TMEM156: variants seen among roughly 807,000 people sequenced by gnomAD.
The protein encoded by TMEM156 is transmembrane protein 156.
A neutral mutation model predicts 30.5 loss-of-function variants in TMEM156; 28 were observed. The ratio of observed to expected loss-of-function variants is 0.92; its 90% confidence interval spans 0.68 to 1.26. The LOEUF is 1.26. Among genes scored for constraint, TMEM156 ranks in the 50% most tolerant of loss-of-function variants. TMEM156 has a pLI of 0.00. For synonymous variants in TMEM156, 137 were observed against 119.9 expected (o/e 1.14, Z -0.93); for missense variants, 351 against 340.6 (o/e 1.03, Z -0.24).
intron 2 of TMEM156, among the ~76,000 whole-genome samples, chr4:38,996,313 C>T (rs574503953): frequency 6.6e-5 from 10 of 150,428 alleles, no homozygotes; most frequent in Non-Finnish European, 8.9e-5. Flanking sequence ...AATCCCAATA[C>T]TTCCGGAGGC....
chr4:38,998,989 C>T (rs1482038388), intron 1 of TMEM156, 80 bp from the exon 2 acceptor site: 1 of 1,313,502 alleles, frequency 7.6e-7, no homozygotes, highest in Admixed American at 2.5e-5. Context: ...CAGTATGCTC[C>T]CAGTTTTTCT....
intron 1 of TMEM156, 72 bp from the exon 2 acceptor site, chr4:38,998,981 G>T: frequency 1.5e-6 from 2 of 1,366,772 alleles, no homozygotes; most frequent in South Asian, 1.5e-5. Flanking sequence ...TAAATACACA[G>T]TATGCTCCCA....
chr4:39,025,942 G>C (rs1298371237), intron 1 of TMEM156, among the ~76,000 whole-genome samples: 1 of 152,100 alleles, frequency 6.6e-6, no homozygotes, highest in Admixed American at 6.6e-5. Flanking sequence ...CTCCTTCAAG[G>C]TTTTCTTTTG....
intron 1 of TMEM156, among the ~76,000 whole-genome samples, chr4:39,002,794 A>C (rs1338738671): frequency 6.6e-6 from 1 of 151,404 alleles, no homozygotes; most frequent in Non-Finnish European, 1.5e-5. Context: ...ACAAAAAACC[A>C]AACACCGCAT....
chr4:38,981,692 G>GA (rs1399897829), intron 5 of TMEM156, among the ~76,000 whole-genome samples: 5 of 151,566 alleles, frequency 3.3e-5, no homozygotes, highest in Non-Finnish European at 5.9e-5. Flanking sequence ...TTCTCATCAG[G>GA]AAAAAAAACG....
intron 1 of TMEM156, among the ~76,000 whole-genome samples, chr4:39,003,068 A>T (rs1297975141): frequency 2.0e-5 from 3 of 151,998 alleles, no homozygotes; most frequent in Admixed American, 1.3e-4. Context: ...TAAAATAATT[A>T]CCCCTACTCA....
In TMEM156 at chr4:39,009,566, A is replaced by G. The variant is rs565358240; in HGVS notation, c.89-10657T>C. Among the ~76,000 whole-genome samples the G allele has an allele frequency of 3.5e-4, 53 of 152,322 alleles. 1 individual carries two copies. In the South Asian group the frequency reaches 0.01, roughly 30 times the overall value. On this transcript the variant is annotated intron_variant, in intron 1 of 6. Transcript: ENST00000381938. ...AATTCACCACAATCAAGTGGGCTTT[A>G]TTCCTGGGATGCAAGGATATTTCAA...
intron 3 of TMEM156, among the ~76,000 whole-genome samples, chr4:38,993,013 A>G (rs62294549): frequency 0.44 from 66,068 of 150,434 alleles, 15,079 homozygotes; most frequent in East Asian, 0.66. Context: ...CTCCCACCTC[A>G]GCCTCCCAAA....
At chr4:38,968,056 C>A (rs1440801102) in intron 6 of TMEM156, among the ~76,000 whole-genome samples, 1 of 152,202 alleles carries the variant, frequency 6.6e-6, no homozygotes, top group Non-Finnish European at 1.5e-5. Context: ...TTCAGGGTGA[C>A]CCCAGGACTG....
chr4:39,029,798 T>C (rs1273384493), intron 1 of TMEM156, among the ~76,000 whole-genome samples: 3 of 151,748 alleles, frequency 2.0e-5, no homozygotes, highest in Non-Finnish European at 1.5e-5. Flanking sequence ...TTAATCAATA[T>C]GGGACTATAT....
At chr4:39,021,527 A>G (rs528782981) in intron 1 of TMEM156, among the ~76,000 whole-genome samples, 8 of 152,310 alleles carry the variant, frequency 5.3e-5, no homozygotes, top group African/African-American at 9.6e-5. Flanking sequence ...CATTGTCTGA[A>G]TTCCTTATAT....
chr4:39,015,566 T>G (rs1339806189), intron 1 of TMEM156, among the ~76,000 whole-genome samples: 1 of 152,216 alleles, frequency 6.6e-6, no homozygotes. Context: ...ACTGATACCT[T>G]GATTTTAGCC....
At chr4:38,986,556 C>A in intron 4 of TMEM156, 137 bp from the exon 5 acceptor site, 1 of 633,950 alleles carries the variant, frequency 1.6e-6, no homozygotes, top group Non-Finnish European at 2.8e-6. Flanking sequence ...CGCCTGTAAT[C>A]CCAGCACTTT....
At chr4:38,997,255 A>G (rs1712997505) in intron 2 of TMEM156, among the ~76,000 whole-genome samples, 1 of 152,174 alleles carries the variant, frequency 6.6e-6, no homozygotes, top group African/African-American at 2.4e-5. Flanking sequence ...CTACTTGAGT[A>G]AGAACTTCAT....
chr4:38,989,437 G>GCAA (rs1436645716), intron 3 of TMEM156, among the ~76,000 whole-genome samples: 3 of 152,322 alleles, frequency 2.0e-5, no homozygotes, highest in Non-Finnish European at 4.4e-5. Context: ...ACTGGTCTGA[G>GCAA]GCATATAAGT....
rs1722375461 is a variant in TMEM156, at chr4:38,966,949, GCACCACCACACC to G, written c.*719_*730del. ...CCTGAGGAGCTGGGACTACAGGCGC[GCACCACCACACC>G]CAGCTAATTTTTGTGTTTTTAGTAG... On this transcript the variant is annotated 3_prime_UTR_variant, in exon 7 of 7. Transcript: ENST00000381938. The G allele has an allele frequency of 6.6e-6, 1 of 151,646 alleles. No individual in the cohort carries two copies. The highest frequency in any genetic ancestry group is 1.5e-5 in the Non-Finnish European group (1 of 67,974). The allele number at this position is 151,646 out of a possible 1,614,324, so 9.4% of individuals were successfully genotyped here.
chr4:39,012,710 C>T (rs888246908), intron 1 of TMEM156, among the ~76,000 whole-genome samples: 1 of 151,918 alleles, frequency 6.6e-6, no homozygotes, highest in Non-Finnish European at 1.5e-5. Flanking sequence ...GAGGCTGAGG[C>T]GGGCAGATCA....
intron 1 of TMEM156, among the ~76,000 whole-genome samples, chr4:39,020,074 G>C (rs780139880): frequency 6.6e-6 from 1 of 152,124 alleles, no homozygotes; most frequent in Non-Finnish European, 1.5e-5. Flanking sequence ...TCTGTGCCTG[G>C]TTTATTTCAC....
intron 5 of TMEM156, among the ~76,000 whole-genome samples, chr4:38,978,931 G>C (rs1414850988): frequency 6.6e-6 from 1 of 152,124 alleles, no homozygotes; most frequent in East Asian, 1.9e-4. Context: ...ACAGGTGTGA[G>C]CCACCACACC....
Sources: gnomAD v4.1 joint callset for allele counts (sites outside exome capture counted in the v4.1 genomes callset) on GRCh38, gnomAD v4.1.1 for gene constraint, MANE v1.5 for transcripts, NCBI Gene and HGNC (gene_info 2026-07-23, HGNC 2026-07-21) for gene names.